The following SLC22A15 variants were observed in gnomAD, a reference collection of about 807,000 sequenced individuals.
SLC22A15 encodes solute carrier family 22 member 15.
In SLC22A15, 45 loss-of-function variants were observed where a neutral mutation model predicts 62.7. The observed-to-expected ratio is 0.72, with a 90% CI of 0.56 to 0.92. SLC22A15 has a LOEUF of 0.92. Among genes scored for constraint, SLC22A15 ranks in the 40% least tolerant of loss-of-function variants. SLC22A15 has a pLI of 0.00. For synonymous variants in SLC22A15, 264 were observed against 267.0 expected (o/e 0.99, Z 0.11); for missense variants, 622 against 665.6 (o/e 0.93, Z 0.72).
At chr1:116,033,340 A>G (rs148599183) in intron 6 of SLC22A15, among the ~76,000 whole-genome samples, 1 of 152,326 alleles carries the variant, frequency 6.6e-6, no homozygotes, top group Admixed American at 6.5e-5. Context: ...AATGATTTTA[A>G]TAGCTGTAAT....
At chr1:116,054,980 T>G (rs1430713716) in intron 8 of SLC22A15, among the ~76,000 whole-genome samples, 2 of 151,060 alleles carry the variant, frequency 1.3e-5, no homozygotes, top group African/African-American at 4.9e-5. Flanking sequence ...CACCCTAACA[T>G]CACAATTAAA....
chr1:115,999,783 C>A (rs1347625553), intron 2 of SLC22A15, among the ~76,000 whole-genome samples: 1 of 152,090 alleles, frequency 6.6e-6, no homozygotes, highest in Admixed American at 6.5e-5. Flanking sequence ...GGATTACAGG[C>A]ATGTACCATC....
chr1:115,987,513 G>A (rs895921438), intron 1 of SLC22A15, among the ~76,000 whole-genome samples: 1 of 152,050 alleles, frequency 6.6e-6, no homozygotes, highest in Admixed American at 6.5e-5. Flanking sequence ...GTTACTCCGG[G>A]TGTGTTAGTG....
At chr1:116,022,057 A>G (rs1052941996) in intron 4 of SLC22A15, among the ~76,000 whole-genome samples, 7 of 152,184 alleles carry the variant, frequency 4.6e-5, no homozygotes, top group African/African-American at 1.7e-4. Context: ...GTCTGTTTGC[A>G]TCTCCACTAA....
At chr1:116,016,814 A>G (rs1255097172) in intron 2 of SLC22A15, among the ~76,000 whole-genome samples, 1 of 152,094 alleles carries the variant, frequency 6.6e-6, no homozygotes, top group African/African-American at 2.4e-5. Flanking sequence ...CCTGCCTTCA[A>G]AATACATCCC....
chr1:116,029,380 T>C (rs1020965411), intron 5 of SLC22A15, among the ~76,000 whole-genome samples: 4 of 152,166 alleles, frequency 2.6e-5, no homozygotes, highest in African/African-American at 9.7e-5. Context: ...ATTGTTAAAT[T>C]AGCATTTTAG....
At chr1:116,032,348 C>T (rs1179503902) in intron 6 of SLC22A15, 2 of 985,236 alleles carry the variant, frequency 2.0e-6, no homozygotes, top group Non-Finnish European at 2.4e-6. Flanking sequence ...GTACATACTG[C>T]TAATGTGCCA....
At chr1:115,999,071 GT>G (rs1179450044) in intron 2 of SLC22A15, among the ~76,000 whole-genome samples, 1 of 152,056 alleles carries the variant, frequency 6.6e-6, no homozygotes, top group Non-Finnish European at 1.5e-5. Context: ...ATTTCCTTGT[GT>G]TTGTATCGTT....
In SLC22A15 at chr1:115,976,552, A is replaced by AG. The variant is rs1202506940; in HGVS notation, c.-72dup. On this transcript the variant is annotated 5_prime_UTR_variant, in exon 1 of 12. Transcript: ENST00000369503. The stretch of plus-strand genomic sequence containing the variant: ...GGGTCCAAGCCGGTGCCGGGCGCCC[A>AG]GGGGTTGCCGCGCTGGGCGGGAGGG... The AG allele has an allele frequency of 1.8e-6, 2 of 1,136,524 alleles. No homozygotes were observed. The highest frequency in any genetic ancestry group is 3.2e-5 in the African/African-American group (2 of 61,898). 70.4% of individuals were successfully genotyped at this position (1,136,524 alleles called of 1,614,324 possible). A position where few individuals can be genotyped will look rare whatever the true frequency, so the allele number is the denominator to read the frequency against.
chr1:116,012,918 G>A (rs548775114), intron 2 of SLC22A15, among the ~76,000 whole-genome samples: 1 of 152,314 alleles, frequency 6.6e-6, no homozygotes, highest in Non-Finnish European at 1.5e-5. Context: ...CTCCCAGTCA[G>A]CCATGTGACC....
chr1:115,983,560 A>G (rs1654715479), intron 1 of SLC22A15, among the ~76,000 whole-genome samples: 1 of 152,156 alleles, frequency 6.6e-6, no homozygotes, highest in Non-Finnish European at 1.5e-5. Context: ...AGGCCCTGTA[A>G]GGCTGTTGTC....
chr1:116,004,999 A>G (rs753557429), intron 2 of SLC22A15, among the ~76,000 whole-genome samples: 2 of 152,154 alleles, frequency 1.3e-5, no homozygotes, highest in African/African-American at 4.8e-5. Context: ...TGATATTTTC[A>G]GGGTCTGAAA....
At chr1:115,976,792 CGCCGGGGCCGGG>C in intron 1 of SLC22A15, 78 bp downstream of exon 1, 2 of 1,168,604 alleles carry the variant, frequency 1.7e-6, no homozygotes, top group Non-Finnish European at 2.4e-6. Context: ...GCTCCCAGAC[CGCCGGGGCCGGG>C]GCCGAGGCCG....
intron 5 of SLC22A15, among the ~76,000 whole-genome samples, chr1:116,029,626 T>C (rs1487991278): frequency 6.6e-6 from 1 of 152,204 alleles, no homozygotes; most frequent in Admixed American, 6.5e-5. Context: ...ATGATCAAGA[T>C]AAACCCTTTG....
chr1:116,014,954 G>A (rs1166630268), intron 2 of SLC22A15, among the ~76,000 whole-genome samples: 1 of 152,164 alleles, frequency 6.6e-6, no homozygotes, highest in Non-Finnish European at 1.5e-5. Flanking sequence ...GATTACGCCA[G>A]TACATTTTCT....
rs766736022 is a variant in SLC22A15, at chr1:116,035,266, C to A, written c.1024C>A (p.Leu342Met). The change falls in exon 7 of 12, where the codon CTG (leucine) becomes ATG (methionine). Residue 342 changes from leucine (L) to methionine (M), a missense_variant. Coordinates refer to ENST00000369503, the MANE Select transcript of SLC22A15 (RefSeq NM_018420.3). ...LGGSIYANLA[L>M]SGLIEIPSYP... ...TGGAAGTATTTATGCCAACCTGGCC[C>A]TGTCTGGCCTCATAGAGATTCCATC... 3 of 1,613,240 alleles carry A rather than the reference C, an allele frequency of 1.9e-6. No homozygotes were observed. Among genetic ancestry groups the A allele is most frequent in the Non-Finnish European group, 2.5e-6 (3 of 1,179,546 alleles).
At chr1:116,016,037 C>G (rs1305540720) in intron 2 of SLC22A15, among the ~76,000 whole-genome samples, 1 of 152,016 alleles carries the variant, frequency 6.6e-6, no homozygotes, top group African/African-American at 2.4e-5. Context: ...AATGCTGGAG[C>G]TCTTTTAATC....
chr1:116,020,654 ATAATT>A, intron 3 of SLC22A15, 62 bp from the exon 4 acceptor site: 1 of 1,240,794 alleles, frequency 8.1e-7, no homozygotes, highest in South Asian at 1.6e-5. Flanking sequence ...GCTAATGAAT[ATAATT>A]TATTACTTTC....
At chr1:116,032,931 T>C (rs963090047) in intron 6 of SLC22A15, 2 of 152,286 alleles carry the variant, frequency 1.3e-5, no homozygotes, top group African/African-American at 2.4e-5. Flanking sequence ...TTCCCCCATG[T>C]ATATTAACTT....
Sources: gnomAD v4.1 joint callset for allele counts (sites outside exome capture counted in the v4.1 genomes callset) on GRCh38, gnomAD v4.1.1 for gene constraint, MANE v1.5 for transcripts, NCBI Gene and HGNC (gene_info 2026-07-23, HGNC 2026-07-21) for gene names.